The following GSE1 variants were observed in gnomAD, a reference collection of about 807,000 sequenced individuals.
GSE1 encodes genetic suppressor element 1.
A neutral mutation model predicts 112.6 loss-of-function variants in GSE1; 32 were observed. That is an observed-to-expected ratio of 0.28 (90% CI 0.21 to 0.38). The LOEUF (loss-of-function observed/expected upper bound fraction) is 0.38. Ranked by LOEUF, GSE1 falls within the 10% of genes least tolerant of loss-of-function variation. The pLI is 1.00. For synonymous variants in GSE1, 1,115 were observed against 735.6 expected, an observed-to-expected ratio of 1.52 and a Z score of -8.35; for missense variants, 2,348 against 1,699.2, an observed-to-expected ratio of 1.38 and a Z score of -6.71.
chr16:85,227,660 G>A (rs967241721), intron 1 of GSE1, among the ~76,000 whole-genome samples: 4 of 152,182 alleles, frequency 2.6e-5, no homozygotes, highest in East Asian at 1.9e-4. Context: ...AAACATTGAG[G>A]GTTGGGGAAG....
At chr16:85,391,158 C>A (rs1365046387) in intron 2 of GSE1, among the ~76,000 whole-genome samples, 1 of 152,218 alleles carries the variant, frequency 6.6e-6, no homozygotes, top group African/African-American at 2.4e-5. Context: ...CAGGATGGAG[C>A]AAGGCAGACC....
At chr16:85,339,204 G>A (rs962019336) in intron 1 of GSE1, among the ~76,000 whole-genome samples, 5 of 152,168 alleles carry the variant, frequency 3.3e-5, no homozygotes, top group Admixed American at 1.3e-4. Flanking sequence ...GCTATTTTAC[G>A]TGATTGCAAA....
At chr16:85,556,781 C>T (rs1175573402) in intron 1 of GSE1, among the ~76,000 whole-genome samples, 2 of 133,832 alleles carry the variant, frequency 1.5e-5, no homozygotes, top group African/African-American at 5.5e-5. Context: ...GGGTTTATTT[C>T]CCTCTCCCTC....
intron 2 of GSE1, among the ~76,000 whole-genome samples, chr16:85,447,031 T>C (rs2049535007): frequency 6.6e-6 from 1 of 152,084 alleles, no homozygotes; most frequent in African/African-American, 2.4e-5. Flanking sequence ...GCTGAGCCTC[T>C]ATTTTGAGCC....
intron 3 of GSE1, among the ~76,000 whole-genome samples, chr16:85,652,768 C>T (rs1598599636): frequency 6.6e-6 from 1 of 152,280 alleles, no homozygotes; most frequent in East Asian, 1.9e-4. Flanking sequence ...GATGCTTCTC[C>T]ACGGTGGGGC....
chr16:85,540,726 G>A (rs190841603), intron 2 of GSE1, among the ~76,000 whole-genome samples: 2 of 152,278 alleles, frequency 1.3e-5, no homozygotes, highest in Admixed American at 1.3e-4. Flanking sequence ...ACCAGCCTGA[G>A]CAACATGGTG....
intron 1 of GSE1, among the ~76,000 whole-genome samples, chr16:85,183,079 A>G (rs968487020): frequency 2.6e-5 from 4 of 152,048 alleles, no homozygotes; most frequent in African/African-American, 4.8e-5. Context: ...ACCTGTGCCC[A>G]CACACTCACA....
intron 2 of GSE1, among the ~76,000 whole-genome samples, chr16:85,481,881 G>C (rs950921972): frequency 6.6e-6 from 1 of 152,242 alleles, no homozygotes; most frequent in African/African-American, 2.4e-5. Context: ...AGAGGTGGCA[G>C]AGCTGGGGTG....
chr16:85,172,477 C>T (rs1454829317), intron 1 of GSE1, among the ~76,000 whole-genome samples: 1 of 152,214 alleles, frequency 6.6e-6, no homozygotes, highest in Non-Finnish European at 1.5e-5. Flanking sequence ...GGCACTCTCC[C>T]TGTTTATAAG....
At chr16:85,560,150 T>C (rs78063047) in intron 1 of GSE1, among the ~76,000 whole-genome samples, 17 of 145,124 alleles carry the variant, frequency 1.2e-4, no homozygotes, top group Non-Finnish European at 2.6e-4. Context: ...TTTTTTTTTT[T>C]ATGTGAGACG....
At position 85,244,217 on chromosome 16, in the gene GSE1, C is replaced by T. The variant is rs566930356; in HGVS notation, c.2283+72410C>T. ...GCTGGTGGGCCCAGTGTAATCACAG[C>T]GTCCTTGTAAGTGGAGAGGAGGCAG... is the stretch of plus-strand genomic sequence containing the variant. On this transcript the variant is annotated intron_variant, in intron 1 of 2. Transcript: ENST00000637419. 2.0e-5 allele frequency among the ~76,000 whole-genome samples: 3 copies of T among 152,292 alleles called. No homozygotes were observed. In the East Asian group the frequency reaches 5.8e-4, roughly 29 times the overall value.
At chr16:85,479,558 C>T (rs2050608467) in intron 2 of GSE1, among the ~76,000 whole-genome samples, 1 of 152,166 alleles carries the variant, frequency 6.6e-6, no homozygotes, top group Non-Finnish European at 1.5e-5. Context: ...CCTGCCTTTG[C>T]CTCCCAAAGT....
At chr16:85,222,683 G>A (rs576869822) in intron 1 of GSE1, among the ~76,000 whole-genome samples, 15 of 152,162 alleles carry the variant, frequency 9.9e-5, no homozygotes, top group Non-Finnish European at 1.6e-4. Flanking sequence ...AACGGAAAAC[G>A]TGGCCCAATT....
intron 2 of GSE1, among the ~76,000 whole-genome samples, chr16:85,539,025 C>G (rs931398112): frequency 2.0e-5 from 3 of 152,340 alleles, no homozygotes; most frequent in South Asian, 2.1e-4. Flanking sequence ...AGGCCGGTGC[C>G]CCTGCACAGT....
intron 2 of GSE1, among the ~76,000 whole-genome samples, chr16:85,358,951 T>C (rs2047009191): frequency 6.6e-6 from 1 of 152,218 alleles, no homozygotes; most frequent in Non-Finnish European, 1.5e-5. Context: ...CTCAGTTTCC[T>C]CATTTGGGAA....
intron 2 of GSE1, among the ~76,000 whole-genome samples, chr16:85,641,053 C>T (rs1340538281): frequency 2.0e-5 from 3 of 152,244 alleles, no homozygotes; most frequent in Non-Finnish European, 2.9e-5. Context: ...GCGTGTCAGC[C>T]TTTGGGGGCC....
At chr16:85,482,273 G>A (rs1253669635) in intron 2 of GSE1, among the ~76,000 whole-genome samples, 1 of 152,252 alleles carries the variant, frequency 6.6e-6, no homozygotes, top group Non-Finnish European at 1.5e-5. Context: ...GGCACTGGGG[G>A]TGCTCGGATG....
chr16:85,211,606 G>A (rs2075227104), intron 1 of GSE1, among the ~76,000 whole-genome samples: 1 of 152,224 alleles, frequency 6.6e-6, no homozygotes, highest in Non-Finnish European at 1.5e-5. Flanking sequence ...CCCTTTGCAG[G>A]TGGTGACTTG....
chr16:85,477,503 C>T (rs7190332), intron 2 of GSE1, among the ~76,000 whole-genome samples: 60,745 of 149,722 alleles, frequency 0.41, 13,755 homozygotes, highest in Non-Finnish European at 0.49. Context: ...TGAGCCCCTC[C>T]GGCCTACTGG....
Sources: gnomAD v4.1 joint callset for allele counts (sites outside exome capture counted in the v4.1 genomes callset) on GRCh38, gnomAD v4.1.1 for gene constraint, MANE v1.5 for transcripts, NCBI Gene and HGNC (gene_info 2026-07-23, HGNC 2026-07-21) for gene names.